Variants in CTIF observed in about 807,000 individuals in gnomAD.
CTIF encodes CBP80/20-dependent translation initiation factor.
CTIF carries 21 observed loss-of-function variants against 66.0 expected under a neutral mutation model. That is an observed-to-expected ratio of 0.32 (90% CI 0.23 to 0.46). CTIF has a LOEUF of 0.46. Ranked by LOEUF, CTIF falls within the 20% of genes least tolerant of loss-of-function variation. The probability of loss-of-function intolerance (pLI) is 1.00; values close to 1 mark genes in which losing one functional copy is unlikely to be tolerated. For synonymous variants in CTIF, 345 were observed against 326.4 expected (o/e 1.06, Z -0.62); for missense variants, 739 against 812.7 (o/e 0.91, Z 1.10).
chr18:48,848,532 C>G (rs2069129740), intron 10 of CTIF, among the ~76,000 whole-genome samples: 1 of 152,214 alleles, frequency 6.6e-6, no homozygotes. Context: ...GGTGGGCTGG[C>G]CAGCCCGGCT....
chr18:48,812,753 C>CA (rs751864883), intron 9 of CTIF, among the ~76,000 whole-genome samples: 3,007 of 67,434 alleles, frequency 0.045, 90 homozygotes, highest in African/African-American at 0.12. Context: ...GACCCTGTCT[C>CA]AAAAAAAAAA....
At chr18:48,733,571 G>C (rs1309215171) in intron 7 of CTIF, among the ~76,000 whole-genome samples, 2 of 152,208 alleles carry the variant, frequency 1.3e-5, no homozygotes, top group East Asian at 3.8e-4. Context: ...AGGGTCTCTG[G>C]CCCCCCTCCC....
intron 7 of CTIF, among the ~76,000 whole-genome samples, chr18:48,712,870 C>T (rs2092241952): frequency 6.6e-6 from 1 of 152,220 alleles, no homozygotes; most frequent in Non-Finnish European, 1.5e-5. Context: ...TTGTCATCCA[C>T]TGGTGGATTA....
chr18:48,728,703 CAGAG>C lies in CTIF; in HGVS notation c.584+17009_584+17012del, dbSNP rs1246572317. On this transcript the variant is annotated intron_variant, in intron 7 of 11. Coordinates refer to ENST00000256413, the MANE Select transcript of CTIF (RefSeq NM_014772.3). ...GGGCCTCTCTGTAGGGTGCTCATGA[CAGAG>C]TGAGTGGCCTGTGAAGGAGGGAGGG... Among the ~76,000 whole-genome samples, 10 of 148,270 alleles carry C rather than the reference CAGAG, an allele frequency of 6.7e-5. No individual in the cohort carries two copies. In the South Asian group the frequency reaches 1.9e-3, roughly 28 times the overall value.
intron 6 of CTIF, among the ~76,000 whole-genome samples, chr18:48,687,006 G>A (rs2091850963): frequency 6.6e-6 from 1 of 152,160 alleles, no homozygotes. Flanking sequence ...TGAATTAAAT[G>A]CATGTGGTCA....
chr18:48,545,809 C>T (rs943220706), intron 1 of CTIF, among the ~76,000 whole-genome samples: 13 of 152,132 alleles, frequency 8.5e-5, no homozygotes, highest in African/African-American at 2.4e-4. Context: ...AGCGTAACCA[C>T]GGTGAGGGCT....
intron 1 of CTIF, among the ~76,000 whole-genome samples, chr18:48,561,973 G>T (rs1267201495): frequency 6.6e-6 from 1 of 152,100 alleles, no homozygotes. Context: ...GTACATCTAC[G>T]GTTGCTTTTG....
chr18:48,748,498 G>C (rs560535787), intron 7 of CTIF, among the ~76,000 whole-genome samples: 150 of 152,240 alleles, frequency 9.9e-4, no homozygotes, highest in Non-Finnish European at 1.7e-3. Flanking sequence ...GATAATGGAG[G>C]CAGGCCCATT....
At chr18:48,632,190 G>A (rs2090730831) in intron 2 of CTIF, among the ~76,000 whole-genome samples, 2 of 152,180 alleles carry the variant, frequency 1.3e-5, no homozygotes, top group African/African-American at 2.4e-5. Flanking sequence ...AGGGGATTCA[G>A]GCAGTAGCCC....
chr18:48,647,856 G>A (rs1005605742), intron 3 of CTIF, among the ~76,000 whole-genome samples: 2 of 152,078 alleles, frequency 1.3e-5, no homozygotes, highest in African/African-American at 4.8e-5. Context: ...ATGACCTTCT[G>A]TAGTTCTGAG....
intron 10 of CTIF, among the ~76,000 whole-genome samples, chr18:48,821,791 AT>A (rs1435045314): frequency 1.3e-5 from 2 of 152,106 alleles, no homozygotes; most frequent in Non-Finnish European, 2.9e-5. Flanking sequence ...GCTCCTTTTT[AT>A]TTTTTAAATA....
chr18:48,813,355 T>C (rs985370619), intron 9 of CTIF, among the ~76,000 whole-genome samples: 1 of 152,262 alleles, frequency 6.6e-6, no homozygotes, highest in Non-Finnish European at 1.5e-5. Context: ...TTATATCTGG[T>C]TGATTGTCAT....
rs1330776824 is a variant in CTIF at position 48,862,094 on chromosome 18, A to AC, written c.*2539dup. On this transcript the variant is annotated 3_prime_UTR_variant, in exon 12 of 12. Coordinates refer to ENST00000256413, the MANE Select transcript of CTIF (RefSeq NM_014772.3). ...ACAACAGTCAAGCCTAAAATTTGAG[A>AC]CCCCGAGGCAGCTTCCCGAGGGAGA... 2 of 151,742 alleles carry AC rather than the reference A, an allele frequency of 1.3e-5. No homozygotes were observed. Among genetic ancestry groups the AC allele is most frequent in the East Asian group, 1.9e-4 (1 of 5,164 alleles). 9.4% of individuals were successfully genotyped at this position (151,742 alleles called of 1,614,324 possible). A position where few individuals can be genotyped will look rare whatever the true frequency, so the allele number is the denominator to read the frequency against.
At chr18:48,615,841 T>C (rs899267811) in intron 1 of CTIF, among the ~76,000 whole-genome samples, 1 of 152,004 alleles carries the variant, frequency 6.6e-6, no homozygotes, top group Non-Finnish European at 1.5e-5. Flanking sequence ...CAGCAAACAC[T>C]AGAGTAGAAG....
At chr18:48,739,417 A>T (rs987916334) in intron 7 of CTIF, among the ~76,000 whole-genome samples, 1 of 152,204 alleles carries the variant, frequency 6.6e-6, no homozygotes, top group African/African-American at 2.4e-5. Context: ...GGAGGTTTTC[A>T]GTTGGACTTG....
chr18:48,847,885 C>T (rs143993006), intron 10 of CTIF, among the ~76,000 whole-genome samples: 290 of 152,312 alleles, frequency 1.9e-3, no homozygotes, highest in Non-Finnish European at 3.4e-3. Flanking sequence ...ACTTCCCTGC[C>T]TCCCTGAACG....
In CTIF at chr18:48,563,655, A is replaced by G. The variant is rs186148364; in HGVS notation, c.-29+24343A>G. Among the ~76,000 whole-genome samples, 39 of 152,314 alleles carry G rather than the reference A, an allele frequency of 2.6e-4. No homozygotes were observed. In the East Asian group the frequency reaches 6.2e-3, roughly 24 times the overall value. ...CCTGGCTAATTTTTGTATTTTCAGT[A>G]GAGACAGGGTTTGGCCATGTTGGCC... On this transcript the variant is annotated intron_variant, in intron 1 of 11. Transcript: ENST00000256413.
intron 9 of CTIF, among the ~76,000 whole-genome samples, chr18:48,797,694 A>G (rs1244057124): frequency 1.3e-5 from 2 of 152,092 alleles, no homozygotes; most frequent in Non-Finnish European, 2.9e-5. Flanking sequence ...GTGCCCTTCC[A>G]CGTGTTCCTC....
intron 10 of CTIF, among the ~76,000 whole-genome samples, chr18:48,846,166 T>C (rs554108293): frequency 2.0e-5 from 3 of 152,376 alleles, no homozygotes; most frequent in African/African-American, 7.2e-5. Flanking sequence ...TATAAGCACA[T>C]TCCACCCCCA....
Sources: gnomAD v4.1 joint callset for allele counts (sites outside exome capture counted in the v4.1 genomes callset) on GRCh38, gnomAD v4.1.1 for gene constraint, MANE v1.5 for transcripts, NCBI Gene and HGNC (gene_info 2026-07-23, HGNC 2026-07-21) for gene names.